The following FCGR2A variants were observed in gnomAD, a reference collection of about 807,000 sequenced individuals.
FCGR2A encodes low affinity immunoglobulin gamma Fc region receptor II-a.
In FCGR2A, 18 loss-of-function variants were observed where a neutral mutation model predicts 29.3. The ratio of observed to expected loss-of-function variants is 0.62; its 90% CI spans 0.43 to 0.91. FCGR2A has a LOEUF of 0.91. Ranked by LOEUF, FCGR2A falls within the 40% of genes least tolerant of loss-of-function variation. The probability of loss-of-function intolerance (pLI) is 0.00; values close to 1 mark genes in which losing one functional copy is unlikely to be tolerated. For synonymous variants in FCGR2A, 126 were observed against 144.8 expected (o/e 0.87, Z 0.93); for missense variants, 287 against 393.0 (o/e 0.73, Z 2.28).
chr1:161,506,675 G>C (rs1675432406), intron 3 of FCGR2A, 84 bp downstream of exon 3: 2 of 1,588,772 alleles, frequency 1.3e-6, no homozygotes, highest in Non-Finnish European at 8.6e-7. Flanking sequence ...GCAGGAAAGA[G>C]TGGGCGTGGA....
At chr1:161,521,975 T>A (rs1166936227), downstream of FCGR2A, among the ~76,000 whole-genome samples, 1 of 151,944 alleles carries the variant, frequency 6.6e-6, no homozygotes, top group Non-Finnish European at 1.5e-5. Context: ...TACTTTAAGG[T>A]CGGTTCTATT....
chr1:161,521,866 G>C (rs1012793075), downstream of FCGR2A, among the ~76,000 whole-genome samples: 3 of 152,026 alleles, frequency 2.0e-5, no homozygotes, highest in African/African-American at 7.3e-5. Context: ...GTCTTTATTA[G>C]CAGTGTGAGA....
chr1:161,516,463 T>C (rs1676151301), intron 6 of FCGR2A, among the ~76,000 whole-genome samples: 1 of 152,010 alleles, frequency 6.6e-6, no homozygotes, highest in Admixed American at 6.6e-5. Context: ...TAATCTGAGA[T>C]TTCTCAATTA....
intron 3 of FCGR2A, 89 bp downstream of exon 3, chr1:161,506,680 C>A: frequency 3.8e-6 from 6 of 1,577,630 alleles, no homozygotes; most frequent in Non-Finnish European, 3.5e-6. Flanking sequence ...AAAGAGTGGG[C>A]GTGGACTGCT....
At chr1:161,508,449 G>A (rs556638246) in intron 3 of FCGR2A, among the ~76,000 whole-genome samples, 5 of 151,714 alleles carry the variant, frequency 3.3e-5, no homozygotes, top group East Asian at 1.9e-4. Flanking sequence ...TTAGCCGGGC[G>A]TGATGGCGCA....
chr1:161,512,058 G>A (rs1659536), intron 5 of FCGR2A, among the ~76,000 whole-genome samples: 2 of 152,152 alleles, frequency 1.3e-5, no homozygotes, highest in African/African-American at 4.8e-5. Flanking sequence ...AGGAGAGGGC[G>A]GTGTTCAAAT....
chr1:161,510,938 A>C lies in FCGR2A; in HGVS notation c.724A>C (p.Arg242=), dbSNP rs1297226366. The C allele has an allele frequency of 6.2e-7, 1 of 1,614,176 alleles. No homozygotes were observed. The highest frequency in any genetic ancestry group is 1.3e-5 in the African/African-American group (1 of 75,030). Residue 242 remains arginine, a synonymous_variant, in exon 5 of 7, where the codon AGG becomes CGG. Coordinates refer to ENST00000271450, the MANE Select transcript of FCGR2A (RefSeq NM_001136219.3). ...VAAVVALIYC[R]KKRISANSTD... is the part of the protein sequence containing the mutation. The stretch of plus-strand genomic sequence containing the variant: ...TGCTGTAGTGGCCTTGATCTACTGC[A>C]GGAAAAAGCGGATTTCAGGTTTGTA...
At chr1:161,513,741 C>A (rs920066115) in intron 5 of FCGR2A, among the ~76,000 whole-genome samples, 154 bp from the exon 6 acceptor site, 2 of 152,210 alleles carry the variant, frequency 1.3e-5, no homozygotes, top group Non-Finnish European at 2.9e-5. Flanking sequence ...GTACATGAGG[C>A]CATATTTACT....
At chr1:161,522,873 G>C (rs1232167646), downstream of FCGR2A, 1 of 152,060 alleles carries the variant, frequency 6.6e-6, no homozygotes, top group Non-Finnish European at 1.5e-5. Context: ...AAGGAACCCA[G>C]CCCGGGAACA....
intron 4 of FCGR2A, 126 bp from the exon 5 acceptor site, chr1:161,510,708 A>C (rs1675716545): frequency 1.6e-6 from 2 of 1,265,926 alleles, no homozygotes; most frequent in South Asian, 2.8e-5. Context: ...TGACTCAGAC[A>C]CAGAAGAGCT....
At chr1:161,510,787 A>G in intron 4 of FCGR2A, 47 bp from the exon 5 acceptor site, 5 of 1,610,430 alleles carry the variant, frequency 3.1e-6, no homozygotes, top group Non-Finnish European at 4.2e-6. Context: ...AAACGTTGTC[A>G]TTAAAATAGT....
At position 161,513,828 on chromosome 1, in the gene FCGR2A, A is replaced by G. The variant is rs1489511371; in HGVS notation, c.743-67A>G. ...AGTCTGGTTATGGTTTTGCAGCCTCAGCATCAGCGTGGGCAGGCCCTTTTC... is the reference window on the plus strand; with the variant it reads ...AGTCTGGTTATGGTTTTGCAGCCTCGGCATCAGCGTGGGCAGGCCCTTTTC... On this transcript the variant is annotated intron_variant, in intron 5 of 6. Transcript: ENST00000271450. 3.7e-6 allele frequency: 6 copies of G among 1,612,430 alleles called. No homozygotes were observed. In the African/African-American group the frequency reaches 5.3e-5, roughly 14 times the overall value.
intron 5 of FCGR2A, among the ~76,000 whole-genome samples, chr1:161,511,502 C>T (rs1472602406): frequency 6.6e-6 from 1 of 152,182 alleles, no homozygotes; most frequent in Non-Finnish European, 1.5e-5. Context: ...TTTTAAAAGG[C>T]AGAGCAAGCC....
intron 5 of FCGR2A, among the ~76,000 whole-genome samples, chr1:161,512,065 A>C (rs28669285): frequency 6.6e-6 from 1 of 152,206 alleles, no homozygotes; most frequent in Non-Finnish European, 1.5e-5. Flanking sequence ...GGCGGTGTTC[A>C]AATTTCTAGG....
chr1:161,513,020 T>C (rs923908145), intron 5 of FCGR2A, among the ~76,000 whole-genome samples: 2 of 152,072 alleles, frequency 1.3e-5, no homozygotes, highest in Non-Finnish European at 2.9e-5. Flanking sequence ...CAAAGCTGGG[T>C]TGCTGGAATT....
chr1:161,510,235 A>C, intron 4 of FCGR2A, 161 bp downstream of exon 4: 1 of 1,314,220 alleles, frequency 7.6e-7, no homozygotes, highest in Non-Finnish European at 1.0e-6. Flanking sequence ...ATTGACCAAC[A>C]AGTAGGGGCC....
chr1:161,509,760 A>G lies in FCGR2A; in HGVS notation c.365-60A>G, dbSNP rs533173478. 35 of 1,601,062 alleles carry G rather than the reference A, an allele frequency of 2.2e-5. 2 individuals carry two copies. The South Asian group carries it at 3.5e-4, about 16-fold the overall frequency. ...GTTCTGTGAGTAACGTACCTCTGAG[A>G]CTGAAAAACCCTTGGAATCTATCCT... On this transcript the variant is annotated intron_variant, in intron 3 of 6. Coordinates refer to ENST00000271450, the MANE Select transcript of FCGR2A (RefSeq NM_001136219.3).
intron 1 of FCGR2A, 48 bp downstream of exon 1, chr1:161,505,600 G>T (rs902891805): frequency 1.3e-5 from 19 of 1,432,292 alleles, no homozygotes; most frequent in Non-Finnish European, 1.7e-5. Flanking sequence ...CACTCCTACT[G>T]CCTGGACTCC....
chr1:161,508,535 C>T (rs1426532763), intron 3 of FCGR2A, among the ~76,000 whole-genome samples: 2 of 148,568 alleles, frequency 1.3e-5, no homozygotes, highest in African/African-American at 2.5e-5. Flanking sequence ...TGCAGTGAGC[C>T]GAGATCGCGC....
Sources: allele counts gnomAD v4.1 joint callset (sites outside exome capture counted in the v4.1 genomes callset), GRCh38; gene constraint gnomAD v4.1.1; transcripts MANE v1.5; gene names NCBI Gene and HGNC (gene_info 2026-07-23, HGNC 2026-07-21).